Variants in ST8SIA6 observed in about 807,000 individuals in gnomAD.
The protein encoded by ST8SIA6 is alpha-2,8-sialyltransferase 8F.
In ST8SIA6, 39 loss-of-function variants were observed where a neutral mutation model predicts 33.6. The observed-to-expected ratio is 1.16, with a 90% confidence interval of 0.90 to 1.52. ST8SIA6 has a LOEUF of 1.52. Among genes scored for constraint, ST8SIA6 ranks in the 40% most tolerant of loss-of-function variants. ST8SIA6 has a pLI of 0.00. For synonymous variants in ST8SIA6, 172 were observed against 167.2 expected (o/e 1.03, Z -0.22); for missense variants, 441 against 443.8 (o/e 0.99, Z 0.06).
intron 2 of ST8SIA6, among the ~76,000 whole-genome samples, chr10:17,444,684 G>A (rs1221462923): frequency 6.6e-6 from 1 of 152,188 alleles, no homozygotes; most frequent in Non-Finnish European, 1.5e-5. Context: ...CCAGAGCAGA[G>A]CAGCCAGAGA....
In ST8SIA6 at chr10:17,454,173, T is replaced by C; in HGVS notation, c.83A>G (p.Asp28Gly). 1 of 280,042 alleles carries C rather than the reference T, an allele frequency of 3.6e-6. No homozygotes were observed. The highest frequency in any genetic ancestry group is 6.6e-6 in the Non-Finnish European group (1 of 152,668). 17.3% of individuals were successfully genotyped at this position (280,042 alleles called of 1,614,324 possible). ...LLLRLLWCPA[D>G]APGRARILVE... ...GGGTTACCTGGCGCGGCCGGGCGCG[T>C]CTGCCGGGCACCAGAGCAGGCGCAG... Residue 28 changes from aspartate to glycine, a missense_variant, in exon 1 of 8, where the codon GAC (aspartate) becomes GGC (glycine). By Grantham distance (94) the Asp-to-Gly change is moderately conservative. Coordinates refer to ENST00000377602, the MANE Select transcript of ST8SIA6 (RefSeq NM_001004470.3). The surrounding 1 kb of genome is among the most constrained non-coding windows in gnomAD (Gnocchi z 4.1).
At chr10:17,331,320 T>A in intron 5 of ST8SIA6, 88 bp downstream of exon 5, 1 of 1,442,812 alleles carries the variant, frequency 6.9e-7, no homozygotes, top group African/African-American at 1.4e-5. Flanking sequence ...TTTAATTGAG[T>A]CCATCATAAT....
rs369780729 is a variant in ST8SIA6, at chr10:17,422,340, C to A, written c.200+31219G>T. ...ACATTTTTGCCTGAAGCACCTCCCC[C>A]CTCCCACAAGTAATTAAGAGTTATT... On this transcript the variant is annotated intron_variant, in intron 2 of 7. Transcript: ENST00000377602. 5.3e-5 allele frequency among the ~76,000 whole-genome samples: 8 copies of A among 152,176 alleles called. No homozygotes were observed. The East Asian group carries it at 7.7e-4, about 15-fold the overall frequency.
intron 2 of ST8SIA6, among the ~76,000 whole-genome samples, chr10:17,433,955 C>T (rs1238563373): frequency 1.3e-5 from 2 of 152,154 alleles, no homozygotes; most frequent in African/African-American, 4.8e-5. Flanking sequence ...TATCCTTAAG[C>T]CTTTAGATGT....
intron 3 of ST8SIA6, among the ~76,000 whole-genome samples, chr10:17,389,358 T>A (rs540893756): frequency 2.6e-5 from 4 of 152,326 alleles, no homozygotes; most frequent in African/African-American, 9.6e-5. Flanking sequence ...GGCGTTTACA[T>A]TATCCTGAAC....
At chr10:17,410,061 C>T (rs1851401679) in intron 2 of ST8SIA6, 2 of 152,190 alleles carry the variant, frequency 1.3e-5, no homozygotes, top group Non-Finnish European at 1.5e-5. Context: ...TTGTCAGACA[C>T]ATGTGAGCAG....
At chr10:17,380,508 G>T (rs1850092826) in intron 3 of ST8SIA6, among the ~76,000 whole-genome samples, 1 of 151,970 alleles carries the variant, frequency 6.6e-6, no homozygotes, top group African/African-American at 2.4e-5. Context: ...GGAGGAAAAT[G>T]GCCATCAAAA....
At chr10:17,344,614 G>A (rs897535784) in intron 4 of ST8SIA6, among the ~76,000 whole-genome samples, 2 of 152,216 alleles carry the variant, frequency 1.3e-5, no homozygotes, top group Admixed American at 6.5e-5. Flanking sequence ...TGAGGACACA[G>A]TCAAACCACA....
In ST8SIA6 at chr10:17,331,395, A is replaced by C. The variant is rs561146573; in HGVS notation, c.522+13T>G. Reference sequence around the variant, plus strand: ...ATGGTAACACAAATAACCCACCAGAAACCTTTACTCACCACTGGAAACATA... The same window carrying C: ...ATGGTAACACAAATAACCCACCAGACACCTTTACTCACCACTGGAAACATA... On this transcript the variant is annotated intron_variant, in intron 5 of 7. Transcript: ENST00000377602. 4.4e-6 allele frequency: 7 copies of C among 1,601,190 alleles called. No individual in the cohort carries two copies. In the East Asian group the frequency reaches 1.6e-4, roughly 36 times the overall value.
chr10:17,320,360 A>C lies in ST8SIA6; in HGVS notation c.*518T>G, dbSNP rs1162820819. On this transcript the variant is annotated 3_prime_UTR_variant, in exon 8 of 8. Transcript: ENST00000377602. ...AGGCATACTGCCATACTCAGAGAAG[A>C]ATTTCATTCCCGAATGATCAAGAAC... The C allele has an allele frequency of 6.5e-6, 1 of 154,234 alleles. No individual in the cohort carries two copies. The highest frequency in any genetic ancestry group is 1.9e-4 in the East Asian group (1 of 5,258). 9.6% of individuals were successfully genotyped at this position (154,234 alleles called of 1,614,324 possible). A position where few individuals can be genotyped will look rare whatever the true frequency, so the allele number is the denominator to read the frequency against.
chr10:17,339,109 A>C (rs1337539740), intron 4 of ST8SIA6, among the ~76,000 whole-genome samples: 2 of 109,236 alleles, frequency 1.8e-5, no homozygotes, highest in Non-Finnish European at 3.7e-5. Flanking sequence ...AAATTGTAAA[A>C]ATTCCTTTTT....
intron 2 of ST8SIA6, among the ~76,000 whole-genome samples, chr10:17,415,452 A>T (rs1365094873): frequency 6.6e-6 from 1 of 152,212 alleles, no homozygotes; most frequent in Non-Finnish European, 1.5e-5. Flanking sequence ...CCAGGAGTCC[A>T]GATGGGCTTT....
chr10:17,341,252 T>C (rs1848664625), intron 4 of ST8SIA6, among the ~76,000 whole-genome samples: 1 of 152,176 alleles, frequency 6.6e-6, no homozygotes, highest in African/African-American at 2.4e-5. Flanking sequence ...TGTGCTTGGA[T>C]CTGTTGTGGA....
chr10:17,321,293 T>G lies in ST8SIA6; in HGVS notation c.782A>C (p.Tyr261Ser), dbSNP rs1355543309. The G allele has an allele frequency of 6.2e-7, 1 of 1,613,812 alleles. No homozygotes were observed. The highest frequency in any genetic ancestry group is 1.1e-5 in the South Asian group (1 of 91,026). ...TGGCAGAAGAAAAAATGCATCTCCA[T>G]AGGTTGCAATGTCCTCCAGAAATAG... Reference protein sequence around the residue: ...KALFLEDIATYGDAFFLLPAF... With the variant: ...KALFLEDIATSGDAFFLLPAF... Residue 261 changes from tyrosine to serine, a missense_variant, in exon 8 of 8, where the codon TAT becomes TCT. Tyr to Ser is a moderately radical substitution (Grantham distance 144). Coordinates refer to ENST00000377602, the MANE Select transcript of ST8SIA6 (RefSeq NM_001004470.3).
chr10:17,411,864 A>G (rs565407708), intron 2 of ST8SIA6, among the ~76,000 whole-genome samples: 1 of 152,102 alleles, frequency 6.6e-6, no homozygotes, highest in African/African-American at 2.4e-5. Flanking sequence ...TGAGTTTTTA[A>G]TGTTTCACAC....
intron 3 of ST8SIA6, among the ~76,000 whole-genome samples, chr10:17,361,517 AACAC>A (rs35428636): frequency 0.037 from 5,446 of 145,798 alleles, 212 homozygotes; most frequent in East Asian, 0.16. Context: ...CTTCCTACAA[AACAC>A]ACACACACAC....
intron 2 of ST8SIA6, among the ~76,000 whole-genome samples, chr10:17,390,855 G>A (rs1339297187): frequency 7.2e-6 from 1 of 138,990 alleles, no homozygotes; most frequent in East Asian, 2.3e-4. Flanking sequence ...ACTCTATTTT[G>A]AAGACCTTTT....
chr10:17,351,464 G>A (rs921442842), intron 4 of ST8SIA6, among the ~76,000 whole-genome samples: 10 of 146,590 alleles, frequency 6.8e-5, no homozygotes, highest in African/African-American at 1.5e-4. Flanking sequence ...TTCATTTTAT[G>A]TTAAATTATT....
chr10:17,347,877 A>C (rs1414289247), intron 4 of ST8SIA6, among the ~76,000 whole-genome samples: 2 of 144,658 alleles, frequency 1.4e-5, no homozygotes, highest in Non-Finnish European at 3.0e-5. Context: ...AATCGCTTGA[A>C]CCCGGGAGAT....
Sources: gnomAD v4.1 joint callset for allele counts (sites outside exome capture counted in the v4.1 genomes callset) on GRCh38, gnomAD v4.1.1 for gene constraint, Gnocchi (gnomAD v3.1) non-coding constraint, MANE v1.5 for transcripts, NCBI Gene and HGNC (gene_info 2026-07-23, HGNC 2026-07-21) for gene names.